TUT7: variants seen among roughly 807,000 people sequenced by gnomAD.
TUT7 encodes terminal uridylyl transferase 7, also known as terminal uridylyltransferase 7.
TUT7 carries 33 observed loss-of-function variants against 165.9 expected under a neutral mutation model. The observed-to-expected ratio is 0.20, with a 90% CI of 0.15 to 0.27. The LOEUF is 0.27. Ranked by LOEUF, TUT7 falls within the 10% of genes least tolerant of loss-of-function variation. TUT7 has a pLI of 1.00. For synonymous variants in TUT7, 552 were observed against 608.1 expected (o/e 0.91, Z 1.36); for missense variants, 1,338 against 1,762.3 (o/e 0.76, Z 4.31).
intron 9 of TUT7, 59 bp downstream of exon 9, chr9:86,338,764 C>T (rs1374413394): frequency 2.8e-6 from 4 of 1,411,220 alleles, no homozygotes; most frequent in Non-Finnish European, 3.7e-6. Context: ...AAGTAAAAAT[C>T]AAAGCATACT....
At chr9:86,341,447 C>T (rs182702483) in intron 6 of TUT7, among the ~76,000 whole-genome samples, 6 of 152,280 alleles carry the variant, frequency 3.9e-5, no homozygotes, top group Admixed American at 3.9e-4. Context: ...ATCCTTGTTT[C>T]GCAATGGAGC....
At chr9:86,350,081 C>T (rs1832138364) in intron 2 of TUT7, among the ~76,000 whole-genome samples, 1 of 151,996 alleles carries the variant, frequency 6.6e-6, no homozygotes, top group South Asian at 2.1e-4. Flanking sequence ...CCTGTAATCC[C>T]AACACTTTGG....
At position 86,338,806 on chromosome 9, in the gene TUT7, A is replaced by G. The variant is rs146592042; in HGVS notation, c.1335+17T>C. 8.6e-4 allele frequency: 1,363 copies of G among 1,586,256 alleles called. No homozygotes were observed. The highest frequency in any genetic ancestry group is 1.1e-3 in the Non-Finnish European group (1,312 of 1,167,028). On this transcript the variant is annotated intron_variant, in intron 9 of 26. Coordinates refer to ENST00000375963, the MANE Select transcript of TUT7 (RefSeq NM_024617.4). The stretch of plus-strand genomic sequence containing the variant: ...ACATATGTAGAATGTATTCATGCAT[A>G]AAGACCTCAAGCCTACCTTTGCCCA...
rs1438568010 is a variant in TUT7 at position 86,352,925 on chromosome 9, T to C, written c.275A>G (p.Asp92Gly). Residue 92 changes from aspartate to glycine, a missense_variant, in exon 2 of 27, where the codon GAC becomes GGC. Physicochemically the swap from Asp to Gly is moderately conservative, Grantham distance 94 (BLOSUM62 -1). This residue lies in a region of TUT7 where 434 missense variants were observed against 480.8 expected (regional missense o/e 0.90). Coordinates refer to ENST00000375963, the MANE Select transcript of TUT7 (RefSeq NM_024617.4). ...PIYSQPAWMN[D>G]SHKDQSKRWL... ...TCTCTTACTCTGATCTTTGTGGCTGTCATTCATCCAAGCGGGTTGACTGTA... is the reference window on the plus strand; with the variant it reads ...TCTCTTACTCTGATCTTTGTGGCTGCCATTCATCCAAGCGGGTTGACTGTA... 3 of 1,614,118 alleles carry C rather than the reference T, an allele frequency of 1.9e-6. No individual in the cohort carries two copies. The highest frequency in any genetic ancestry group is 2.5e-6 in the Non-Finnish European group (3 of 1,180,048).
intron 14 of TUT7, among the ~76,000 whole-genome samples, chr9:86,321,914 A>G (rs1370127951): frequency 6.6e-6 from 1 of 152,098 alleles, no homozygotes; most frequent in African/African-American, 2.4e-5. Flanking sequence ...TGTCTCTACA[A>G]ATAATGAAAA....
chr9:86,319,732 G>GA, intron 14 of TUT7, 62 bp from the exon 15 acceptor site: 1 of 1,111,334 alleles, frequency 9.0e-7, no homozygotes, highest in Non-Finnish European at 1.3e-6. Context: ...AGAAAAAGCT[G>GA]AAAAAAATTT....
At chr9:86,320,886 C>T (rs556552465) in intron 14 of TUT7, among the ~76,000 whole-genome samples, 85 of 152,238 alleles carry the variant, frequency 5.6e-4, no homozygotes, top group African/African-American at 1.8e-3. Flanking sequence ...TACTTTGTAT[C>T]CTGGCTTATA....
intron 17 of TUT7, among the ~76,000 whole-genome samples, chr9:86,316,144 T>C (rs1026348058): frequency 2.0e-5 from 3 of 152,210 alleles, no homozygotes; most frequent in African/African-American, 7.2e-5. Context: ...TGAACTACAT[T>C]TTAAAAGAAG....
At chr9:86,320,009 C>T (rs700762) in intron 14 of TUT7, among the ~76,000 whole-genome samples, 36,857 of 151,780 alleles carry the variant, frequency 0.24, 6,026 homozygotes, top group Non-Finnish European at 0.35. Context: ...ATTTTTGTAA[C>T]AGTAATGTAA....
Position 86,302,656 on chromosome 9 carries a change from G to A in TUT7, c.4094+430C>T, listed in dbSNP as rs535681752. Among the ~76,000 whole-genome samples the A allele has an allele frequency of 2.3e-5, 3 of 128,508 alleles. No homozygotes were observed. In the East Asian group the frequency reaches 7.8e-4, roughly 33 times the overall value. 84.3% of individuals were successfully genotyped at this position (128,508 alleles called of 152,430 possible). Reference sequence around the variant, plus strand: ...TTCTGAGACAGAATCTTGCTCTTTTGCCCAGGCTGGAGTGCAATGGCGTGA... The same window carrying A: ...TTCTGAGACAGAATCTTGCTCTTTTACCCAGGCTGGAGTGCAATGGCGTGA... On this transcript the variant is annotated intron_variant, in intron 25 of 26. Transcript: ENST00000375963.
chr9:86,316,803 CA>C lies in TUT7; in HGVS notation c.3274+415del, dbSNP rs535776579. ...TCATGGCATTAATAAACTCTAAATACAATTGGCCTTTCATGTCTGTGGGTCC... is the reference window on the plus strand; with the variant it reads ...TCATGGCATTAATAAACTCTAAATACATTGGCCTTTCATGTCTGTGGGTCC... On this transcript the variant is annotated intron_variant, in intron 17 of 26. Coordinates refer to ENST00000375963, the MANE Select transcript of TUT7 (RefSeq NM_024617.4). 5.8e-3 allele frequency among the ~76,000 whole-genome samples: 890 copies of C among 152,220 alleles called. 12 individuals carry two copies. Among genetic ancestry groups the C allele is most frequent in the African/African-American group, 0.021 (858 of 41,530 alleles).
intron 25 of TUT7, 110 bp downstream of exon 25, chr9:86,302,976 A>C: frequency 1.8e-6 from 1 of 555,582 alleles, no homozygotes; most frequent in Non-Finnish European, 3.3e-6. Context: ...GTATCTGAAA[A>C]CTGCTGGATT....
At position 86,339,925 on chromosome 9, in the gene TUT7, T is replaced by C. The variant is rs775737147; in HGVS notation, c.1208+111A>G. ...GAATGTTAGTAGGAACCATGTGTGA[T>C]AACCAAATAAAAAGCTTATAATTCT... On this transcript the variant is annotated intron_variant, in intron 8 of 26. Transcript: ENST00000375963. The C allele has an allele frequency of 3.3e-5, 28 of 836,496 alleles. 1 individual carries two copies. The highest frequency in any genetic ancestry group is 5.6e-5 in the Non-Finnish European group (28 of 499,436). 51.8% of individuals were successfully genotyped at this position (836,496 alleles called of 1,614,324 possible).
chr9:86,298,872 A>T, intron 26 of TUT7: 14 of 942,512 alleles, frequency 1.5e-5, no homozygotes, highest in Non-Finnish European at 1.8e-5. Context: ...CGAAAGGAAG[A>T]GCATCTGAAA....
chr9:86,346,253 C>G (rs1415863267), intron 3 of TUT7, 46 bp downstream of exon 3: 2 of 1,571,532 alleles, frequency 1.3e-6, no homozygotes, highest in Non-Finnish European at 1.7e-6. Context: ...AAAATTGAGG[C>G]TAAAACCAGG....
chr9:86,308,692 G>T, intron 21 of TUT7, 86 bp from the exon 22 acceptor site: 5 of 1,176,584 alleles, frequency 4.2e-6, no homozygotes, highest in East Asian at 2.6e-5. Context: ...GAGTAAATTT[G>T]GATTTATTTC....
rs568261070 is a variant in TUT7, at chr9:86,308,351, T to G, written c.3838+78A>C. On this transcript the variant is annotated intron_variant, in intron 22 of 26. Coordinates refer to ENST00000375963, the MANE Select transcript of TUT7 (RefSeq NM_024617.4). ...GCACACCCCAAGCAGCTGGAAGAGCTCTGCAAGGAGGAAGAACAATGTCCT... is the reference window on the plus strand; with the variant it reads ...GCACACCCCAAGCAGCTGGAAGAGCGCTGCAAGGAGGAAGAACAATGTCCT... 6 of 1,331,978 alleles carry G rather than the reference T, an allele frequency of 4.5e-6. No individual in the cohort carries two copies. In the African/African-American group the frequency reaches 7.4e-5, roughly 16 times the overall value. The allele number at this position is 1,331,978 out of a possible 1,614,324, so 82.5% of individuals were successfully genotyped here. A position where few individuals can be genotyped will look rare whatever the true frequency, so the allele number is the denominator to read the frequency against.
chr9:86,338,297 T>C (rs1831011202), intron 9 of TUT7, among the ~76,000 whole-genome samples: 2 of 151,618 alleles, frequency 1.3e-5, no homozygotes, highest in Non-Finnish European at 1.5e-5. Context: ...CTGCAACCTG[T>C]ACCTCCCAGG....
intron 26 of TUT7, among the ~76,000 whole-genome samples, chr9:86,295,122 T>TCAAA (rs141830678): frequency 6.6e-6 from 1 of 152,144 alleles, no homozygotes; most frequent in East Asian, 1.9e-4. Context: ...AGGGAGAAGT[T>TCAAA]CAAACAAACA....
Sources: allele counts gnomAD v4.1 joint callset (sites outside exome capture counted in the v4.1 genomes callset), GRCh38; gene constraint gnomAD v4.1.1; regional missense constraint gnomAD v4.1.1; transcripts MANE v1.5; gene names NCBI Gene and HGNC (gene_info 2026-07-23, HGNC 2026-07-21).